Variants in SLC9A2 observed in about 807,000 individuals in gnomAD.
The protein encoded by SLC9A2 is sodium/hydrogen exchanger 2.
Under a neutral mutation model 71.7 loss-of-function variants are expected in SLC9A2, and 42 were observed. The observed-to-expected ratio is 0.59, with a 90% CI of 0.46 to 0.76. The LOEUF (loss-of-function observed/expected upper bound fraction) is 0.76, where lower values mean the gene tolerates loss of function less well. Among genes scored for constraint, SLC9A2 ranks in the 30% least tolerant of loss-of-function variants. The probability of loss-of-function intolerance (pLI) is 0.00; values close to 1 mark genes in which losing one functional copy is unlikely to be tolerated. For synonymous variants in SLC9A2, 396 were observed against 392.5 expected, an observed-to-expected ratio of 1.01 and a Z score of -0.10; for missense variants, 829 against 1,017.4, an observed-to-expected ratio of 0.81 and a Z score of 2.52.
At chr2:102,632,617 A>G (rs894490282) in intron 1 of SLC9A2, among the ~76,000 whole-genome samples, 11 of 152,058 alleles carry the variant, frequency 7.2e-5, no homozygotes, top group African/African-American at 2.7e-4. Flanking sequence ...TTCCTCTCTA[A>G]TAATTCTGGT....
intron 5 of SLC9A2, among the ~76,000 whole-genome samples, chr2:102,692,177 A>C (rs1200180402): frequency 2.0e-5 from 3 of 152,224 alleles, no homozygotes; most frequent in Non-Finnish European, 2.9e-5. Flanking sequence ...GTGTTATCTC[A>C]AAGTAGCAGA....
intron 1 of SLC9A2, among the ~76,000 whole-genome samples, chr2:102,632,181 CAT>C (rs1167895458): frequency 6.3e-4 from 72 of 113,928 alleles, no homozygotes; most frequent in African/African-American, 2.0e-3. Context: ...TATATACATA[CAT>C]ATATATATAA....
intron 3 of SLC9A2, among the ~76,000 whole-genome samples, chr2:102,665,989 G>T (rs1335503264): frequency 6.6e-6 from 1 of 151,906 alleles, no homozygotes. Flanking sequence ...CCCAATCAGG[G>T]TTGCCCACGT....
At chr2:102,694,986 T>C (rs555233505) in intron 6 of SLC9A2, 57 bp from the exon 7 acceptor site, 7 of 1,424,800 alleles carry the variant, frequency 4.9e-6, no homozygotes, top group Non-Finnish European at 6.9e-6. Context: ...ACAAGTAGAG[T>C]GAAAATTATT....
intron 1 of SLC9A2, among the ~76,000 whole-genome samples, chr2:102,652,388 A>C (rs574059472): frequency 6.6e-6 from 1 of 152,168 alleles, no homozygotes; most frequent in Admixed American, 6.5e-5. Flanking sequence ...CCTGCAGCCC[A>C]AGCACCTCGT....
intron 1 of SLC9A2, among the ~76,000 whole-genome samples, chr2:102,633,824 A>T (rs1022851545): frequency 2.6e-5 from 4 of 152,198 alleles, no homozygotes; most frequent in African/African-American, 9.6e-5. Flanking sequence ...AACCCATATA[A>T]CTTAAGCTGT....
chr2:102,681,046 A>G (rs1206002102), intron 3 of SLC9A2, among the ~76,000 whole-genome samples: 1 of 152,194 alleles, frequency 6.6e-6, no homozygotes, highest in Non-Finnish European at 1.5e-5. Context: ...TGGAAGTGCA[A>G]GATGGAAATC....
At chr2:102,694,908 CT>C in intron 6 of SLC9A2, 134 bp from the exon 7 acceptor site, 1 of 701,410 alleles carries the variant, frequency 1.4e-6, no homozygotes, top group Non-Finnish European at 2.4e-6. Context: ...TGTTTTATTG[CT>C]TTTGGTAATA....
At chr2:102,635,273 A>G (rs960050748) in intron 1 of SLC9A2, among the ~76,000 whole-genome samples, 10 of 152,202 alleles carry the variant, frequency 6.6e-5, no homozygotes, top group African/African-American at 2.2e-4. Flanking sequence ...TATCTGATTG[A>G]AAGTCTTGGT....
At chr2:102,681,219 G>T (rs1677447160) in intron 3 of SLC9A2, among the ~76,000 whole-genome samples, 4 of 152,170 alleles carry the variant, frequency 2.6e-5, no homozygotes, top group African/African-American at 7.2e-5. Context: ...CTTGGAAAGG[G>T]TGAGGATTAA....
At chr2:102,656,613 C>T (rs1417906984) in intron 1 of SLC9A2, among the ~76,000 whole-genome samples, 4 of 152,206 alleles carry the variant, frequency 2.6e-5, no homozygotes, top group Non-Finnish European at 4.4e-5. Flanking sequence ...TGGGTTGTCT[C>T]TGAAGGAGCA....
intron 1 of SLC9A2, among the ~76,000 whole-genome samples, chr2:102,642,064 A>C (rs1344487656): frequency 6.6e-6 from 1 of 151,862 alleles, no homozygotes; most frequent in East Asian, 1.9e-4. Flanking sequence ...AATAATAATA[A>C]TAAAGAAATA....
At chr2:102,652,634 C>G (rs1322578312) in intron 1 of SLC9A2, among the ~76,000 whole-genome samples, 1 of 152,122 alleles carries the variant, frequency 6.6e-6, no homozygotes, top group Non-Finnish European at 1.5e-5. Flanking sequence ...GTGCCCTTGT[C>G]TTATCTTCTG....
chr2:102,639,327 T>G (rs1676528324), intron 1 of SLC9A2, among the ~76,000 whole-genome samples: 1 of 152,260 alleles, frequency 6.6e-6, no homozygotes, highest in African/African-American at 2.4e-5. Context: ...GAAAAATTAC[T>G]TGTTTTACCT....
At chr2:102,621,644 G>T (rs1676139182) in intron 1 of SLC9A2, among the ~76,000 whole-genome samples, 1 of 152,188 alleles carries the variant, frequency 6.6e-6, no homozygotes, top group Non-Finnish European at 1.5e-5. Context: ...TTTCCATAAA[G>T]AATGAAAAGA....
intron 11 of SLC9A2, among the ~76,000 whole-genome samples, chr2:102,707,846 A>G (rs1262351195): frequency 1.3e-5 from 2 of 152,194 alleles, no homozygotes; most frequent in Non-Finnish European, 2.9e-5. Flanking sequence ...TGAAGACAAA[A>G]TGGGCTAATG....
At chr2:102,681,789 G>A (rs1677456522) in intron 3 of SLC9A2, among the ~76,000 whole-genome samples, 1 of 152,170 alleles carries the variant, frequency 6.6e-6, no homozygotes, top group South Asian at 2.1e-4. Flanking sequence ...TTAGATTGAT[G>A]AAGTCTTCAT....
intron 1 of SLC9A2, among the ~76,000 whole-genome samples, chr2:102,653,940 G>A (rs756116843): frequency 3.3e-5 from 5 of 152,200 alleles, no homozygotes; most frequent in African/African-American, 4.8e-5. Context: ...TGACTGCCTG[G>A]TTATAGGTAC....
At chr2:102,703,824 T>C (rs976171672) in intron 9 of SLC9A2, among the ~76,000 whole-genome samples, 2 of 152,218 alleles carry the variant, frequency 1.3e-5, no homozygotes, top group African/African-American at 4.8e-5. Flanking sequence ...AGCCCTAGTT[T>C]AGAAATTTTA....
Sources: gnomAD v4.1 joint callset for allele counts (sites outside exome capture counted in the v4.1 genomes callset) on GRCh38, gnomAD v4.1.1 for gene constraint, MANE v1.5 for transcripts, NCBI Gene and HGNC (gene_info 2026-07-23, HGNC 2026-07-21) for gene names.